The following CSRNP2 variants were observed in gnomAD, a reference collection of about 807,000 sequenced individuals.
CSRNP2 encodes cysteine and serine rich nuclear protein 2, also known as cysteine/serine-rich nuclear protein 2.
In CSRNP2, 11 loss-of-function variants were observed where a neutral mutation model predicts 36.6. The observed-to-expected ratio is 0.30, with a 90% confidence interval of 0.19 to 0.50. The LOEUF (loss-of-function observed/expected upper bound fraction) is 0.50. Among genes scored for constraint, CSRNP2 ranks in the 20% least tolerant of loss-of-function variants. The pLI is 0.98. For synonymous variants in CSRNP2, 248 were observed against 275.3 expected (o/e 0.90, Z 0.98); for missense variants, 483 against 691.4 (o/e 0.70, Z 3.38).
chr12:51,065,318 C>G (rs1211577261), intron 4 of CSRNP2, among the ~76,000 whole-genome samples: 3 of 152,130 alleles, frequency 2.0e-5, no homozygotes, highest in African/African-American at 7.2e-5. Context: ...ACTTACAGAC[C>G]AGGAATATCT....
At chr12:51,075,754 A>C (rs1272898709) in intron 2 of CSRNP2, among the ~76,000 whole-genome samples, 4 of 152,186 alleles carry the variant, frequency 2.6e-5, no homozygotes, top group Non-Finnish European at 5.9e-5. Flanking sequence ...AGCCGTAAGA[A>C]TTAAGAAAGC....
At chr12:51,068,855 T>G (rs182100494) in intron 3 of CSRNP2, among the ~76,000 whole-genome samples, 11 of 152,134 alleles carry the variant, frequency 7.2e-5, no homozygotes, top group Non-Finnish European at 1.3e-4. Context: ...ATCCCCACAG[T>G]GTGAACAATT....
intron 3 of CSRNP2, 62 bp downstream of exon 3, chr12:51,073,761 C>T: frequency 6.7e-7 from 1 of 1,497,202 alleles, no homozygotes; most frequent in Non-Finnish European, 9.0e-7. Context: ...ATCAACCAAC[C>T]AACCAATGAA....
chr12:51,080,034 T>C (rs567665304), intron 1 of CSRNP2, among the ~76,000 whole-genome samples: 11 of 124,806 alleles, frequency 8.8e-5, no homozygotes, highest in East Asian at 2.3e-4. Flanking sequence ...GATCACGCCA[T>C]TGCACTCCAG....
At chr12:51,073,754 A>G (rs1182065018) in intron 3 of CSRNP2, 69 bp downstream of exon 3, 1 of 1,469,786 alleles carries the variant, frequency 6.8e-7, no homozygotes. Flanking sequence ...AAAATCAATC[A>G]ACCAACCAAC....
chr12:51,076,636 T>C lies in CSRNP2; in HGVS notation c.-75A>G. 1.3e-6 allele frequency: 2 copies of C among 1,549,276 alleles called. No individual in the cohort carries two copies. Among genetic ancestry groups the C allele is most frequent in the Non-Finnish European group, 1.8e-6 (2 of 1,127,276 alleles). On this transcript the variant is annotated 5_prime_UTR_variant, in exon 2 of 5. Transcript: ENST00000228515. ...CCCTACTCACCACCAGCTAGCCAGG[T>C]ACATTAGGATTCTGCCCAGGGAAAA...
At position 51,067,983 on chromosome 12, in the gene CSRNP2, G is replaced by C; in HGVS notation, c.412-14C>G. On this transcript the variant is annotated splice_polypyrimidine_tract_variant and intron_variant, in intron 3 of 4. Coordinates refer to ENST00000228515, the MANE Select transcript of CSRNP2 (RefSeq NM_030809.3). This position sits in a 1 kb window ranked among gnomAD's most constrained non-coding sequence, Gnocchi z 4.1. The stretch of plus-strand genomic sequence containing the variant: ...ATTCTTGGTCAGCTGCCAAGAGACA[G>C]GAAAGGTTAGCCTCATAGACATGAG... 6.2e-7 allele frequency: 1 copy of C among 1,610,450 alleles called. No homozygotes were observed.
At chr12:51,081,580 T>C (rs1394533229) in intron 1 of CSRNP2, 1 of 152,262 alleles carries the variant, frequency 6.6e-6, no homozygotes, top group African/African-American at 2.4e-5. Context: ...TGCAACTCTC[T>C]TTAAAGCTTT....
In CSRNP2 at chr12:51,065,132, G is replaced by A. The variant is rs151245012; in HGVS notation, c.709-463C>T. On this transcript the variant is annotated intron_variant, in intron 4 of 4. Transcript: ENST00000228515. ...CCTGCAATGACAGGCATGGGAGAGT[G>A]AGTGGAAGATCTTGCTACTTCAAAA... Among the ~76,000 whole-genome samples, 766 of 152,318 alleles carry A rather than the reference G, an allele frequency of 5.0e-3. 7 individuals are homozygous for A. The highest frequency in any genetic ancestry group is 0.017 in the African/African-American group (721 of 41,570).
In CSRNP2 at chr12:51,083,407, CG is replaced by C. The variant is rs1249518601; in HGVS notation, c.-156del. On this transcript the variant is annotated 5_prime_UTR_variant, in exon 1 of 5. Coordinates refer to ENST00000228515, the MANE Select transcript of CSRNP2 (RefSeq NM_030809.3). Reference sequence around the variant, plus strand: ...CCCCGCTGCCGCCGCCGCCCTAGCCCGGTGGGAAGGAGGGAGGAGCGAGCGA... The same window carrying C: ...CCCCGCTGCCGCCGCCGCCCTAGCCCGTGGGAAGGAGGGAGGAGCGAGCGA... 6.5e-5 allele frequency: 10 copies of C among 153,514 alleles called. No individual in the cohort carries two copies. The highest frequency in any genetic ancestry group is 2.4e-4 in the African/African-American group (10 of 41,436). 9.5% of individuals were successfully genotyped at this position (153,514 alleles called of 1,614,324 possible). A position where few individuals can be genotyped will look rare whatever the true frequency, so the allele number is the denominator to read the frequency against.
chr12:51,069,341 G>A (rs1938816148), intron 3 of CSRNP2, among the ~76,000 whole-genome samples: 1 of 137,336 alleles, frequency 7.3e-6, no homozygotes, highest in Non-Finnish European at 1.5e-5. Flanking sequence ...AGGATGGAAT[G>A]CAGTGCATGA....
At chr12:51,075,025 A>AGATT (rs1939338743) in intron 2 of CSRNP2, among the ~76,000 whole-genome samples, 1 of 152,134 alleles carries the variant, frequency 6.6e-6, no homozygotes, top group African/African-American at 2.4e-5. Flanking sequence ...AGATTGTGCC[A>AGATT]CTGCACTTCA....
chr12:51,062,416 C>G lies in CSRNP2; in HGVS notation c.*1330G>C, dbSNP rs1937669025. The G allele has an allele frequency of 6.6e-6, 1 of 152,224 alleles. No homozygotes were observed. Among genetic ancestry groups the G allele is most frequent in the Non-Finnish European group, 1.5e-5 (1 of 68,052 alleles). The allele number at this position is 152,224 out of a possible 1,614,324, so 9.4% of individuals were successfully genotyped here. On this transcript the variant is annotated 3_prime_UTR_variant, in exon 5 of 5. Transcript: ENST00000228515. ...GATCACTTTGCTAATGAAAGGAAAT[C>G]AGTGCTGTTCAATGGAGATCTTAGA... is the stretch of plus-strand genomic sequence containing the variant.
intron 1 of CSRNP2, among the ~76,000 whole-genome samples, chr12:51,079,594 T>A (rs530801817): frequency 8.0e-5 from 9 of 112,828 alleles, no homozygotes; most frequent in African/African-American, 3.0e-4. Flanking sequence ...AAACCCCATC[T>A]CCACTAAAAA....
At chr12:51,078,990 T>TA (rs1652905322) in intron 1 of CSRNP2, among the ~76,000 whole-genome samples, 1 of 152,296 alleles carries the variant, frequency 6.6e-6, no homozygotes, top group African/African-American at 2.4e-5. Flanking sequence ...CCATCAATGA[T>TA]AGACTGGATT....
In CSRNP2 at chr12:51,063,501, T is replaced by TA; in HGVS notation, c.*244dup. ...CTTTGTTCCAGTGGCCCAGAAAGCT[T>TA]AATGTTCAGCACTACGCAGCTTTCT... On this transcript the variant is annotated 3_prime_UTR_variant, in exon 5 of 5. Coordinates refer to ENST00000228515, the MANE Select transcript of CSRNP2 (RefSeq NM_030809.3). 3.4e-6 allele frequency: 1 copy of TA among 294,926 alleles called. No individual in the cohort carries two copies. The highest frequency in any genetic ancestry group is 6.3e-6 in the Non-Finnish European group (1 of 159,072). 18.3% of individuals were successfully genotyped at this position (294,926 alleles called of 1,614,324 possible). A position where few individuals can be genotyped will look rare whatever the true frequency, so the allele number is the denominator to read the frequency against.
chr12:51,063,684 GGT>G lies in CSRNP2; in HGVS notation c.*60_*61del. The G allele has an allele frequency of 7.8e-7, 1 of 1,287,504 alleles. No individual in the cohort carries two copies. The highest frequency in any genetic ancestry group is 1.8e-5 in the South Asian group (1 of 55,266). The allele number at this position is 1,287,504 out of a possible 1,614,324, so 79.8% of individuals were successfully genotyped here. ...TGCTTCTACAGTTTTGTTTTGAAATGGTGTTAGATAAAATAAGGGAATAAATA... is the reference window on the plus strand; with the variant it reads ...TGCTTCTACAGTTTTGTTTTGAAATGGTTAGATAAAATAAGGGAATAAATA... On this transcript the variant is annotated 3_prime_UTR_variant, in exon 5 of 5. Transcript: ENST00000228515.
chr12:51,071,320 C>T (rs11169695), intron 3 of CSRNP2, among the ~76,000 whole-genome samples: 75,690 of 149,172 alleles, frequency 0.51, 19,844 homozygotes, highest in Non-Finnish European at 0.57. Flanking sequence ...CAGCTGCAGT[C>T]CCAGCTATTT....
chr12:51,082,219 G>A (rs1939670303), intron 1 of CSRNP2, among the ~76,000 whole-genome samples: 1 of 152,120 alleles, frequency 6.6e-6, no homozygotes, highest in Non-Finnish European at 1.5e-5. Context: ...TGATCACCAG[G>A]ATCATGAACT....
Sources: allele counts gnomAD v4.1 joint callset (sites outside exome capture counted in the v4.1 genomes callset), GRCh38; gene constraint gnomAD v4.1.1; non-coding constraint Gnocchi (gnomAD v3.1); transcripts MANE v1.5; gene names NCBI Gene and HGNC (gene_info 2026-07-23, HGNC 2026-07-21).